The following YWHAG variants were observed in gnomAD, a reference collection of about 807,000 sequenced individuals.
YWHAG encodes the protein tyrosine 3-monooxygenase/tryptophan 5-monooxygenase activation protein gamma.
A neutral mutation model predicts 23.3 loss-of-function variants in YWHAG; 1 was observed. That is an observed-to-expected ratio of 0.04 (90% CI 0.02 to 0.20). The LOEUF is 0.20. Among genes scored for constraint, YWHAG ranks in the 10% least tolerant of loss-of-function variants. The pLI is 1.00. For synonymous variants in YWHAG, 160 were observed against 144.0 expected, an observed-to-expected ratio of 1.11 and a Z score of -0.80; for missense variants, 151 against 338.6, an observed-to-expected ratio of 0.45 and a Z score of 4.35.
intron 1 of YWHAG, among the ~76,000 whole-genome samples, chr7:76,334,218 ATC>A (rs1348213432): frequency 4.6e-5 from 7 of 152,244 alleles, no homozygotes; most frequent in African/African-American, 1.7e-4. Context: ...TTGCATAAGA[ATC>A]TGTTATTTTT....
rs1185322766 is a variant in YWHAG, at chr7:76,358,721, C to T, written c.87+1G>A. The T allele has an allele frequency of 6.3e-7, 1 of 1,586,422 alleles. No homozygotes were observed. Among genetic ancestry groups the T allele is most frequent in the Non-Finnish European group, 8.6e-7 (1 of 1,167,620 alleles). On this transcript the variant is annotated splice_donor_variant, in intron 1 of 1. Coordinates refer to ENST00000307630, the MANE Select transcript of YWHAG (RefSeq NM_012479.4). LOFTEE classifies it high-confidence loss of function. The stretch of plus-strand genomic sequence containing the variant: ...GGCGGGGGAGGGGAGGAGACACTCA[C>T]GTTCTTCATGGCCGCGGCCATGTCG...
intron 1 of YWHAG, among the ~76,000 whole-genome samples, chr7:76,356,819 A>G (rs924225116): frequency 6.6e-6 from 1 of 152,220 alleles, no homozygotes; most frequent in Non-Finnish European, 1.5e-5. Context: ...AGGGTAAATG[A>G]TATCCTTATT....
chr7:76,340,398 G>C (rs960947653), intron 1 of YWHAG, among the ~76,000 whole-genome samples: 2 of 152,052 alleles, frequency 1.3e-5, no homozygotes, highest in Non-Finnish European at 2.9e-5. Flanking sequence ...GAATTCAATG[G>C]AACTATTTCC....
intron 1 of YWHAG, among the ~76,000 whole-genome samples, chr7:76,346,989 A>C (rs1299421084): frequency 6.6e-6 from 1 of 152,082 alleles, no homozygotes; most frequent in Non-Finnish European, 1.5e-5. Flanking sequence ...CCATCCTGAA[A>C]CTAAGCGTCC....
Position 76,328,849 on chromosome 7 carries a change from A to T in YWHAG, c.*728T>A, listed in dbSNP as rs550858903. 1 of 33,784 alleles carries T rather than the reference A, an allele frequency of 3.0e-5. No individual in the cohort carries two copies. Among genetic ancestry groups the T allele is most frequent in the African/African-American group, 1.1e-4 (1 of 8,898 alleles). The allele number at this position is 33,784 out of a possible 1,614,324, so 2.1% of individuals were successfully genotyped here. ...CTGACCTGAAGTCGCTTTCATTCTC[A>T]TTTAGCCTAGGAGACCGATCAACAG... On this transcript the variant is annotated 3_prime_UTR_variant, in exon 2 of 2. Transcript: ENST00000307630.
intron 1 of YWHAG, among the ~76,000 whole-genome samples, chr7:76,336,909 A>G (rs993133805): frequency 6.6e-6 from 1 of 152,104 alleles, no homozygotes; most frequent in Admixed American, 6.6e-5. Flanking sequence ...ATAGAAACAG[A>G]AAGAATGAGA....
intron 1 of YWHAG, among the ~76,000 whole-genome samples, chr7:76,342,995 G>C (rs1803720452): frequency 6.6e-6 from 1 of 152,070 alleles, no homozygotes; most frequent in East Asian, 1.9e-4. Context: ...AAATTAGCTG[G>C]GTGTGGTGGC....
chr7:76,330,171 C>T lies in YWHAG; in HGVS notation c.150G>A (p.Lys50=), dbSNP rs1255237481. The T allele has an allele frequency of 6.8e-6, 11 of 1,610,706 alleles. No individual in the cohort carries two copies. The highest frequency in any genetic ancestry group is 1.4e-5 in the African/African-American group (1 of 73,848). ...AAGAGCGGCGTGCCCCCACAACGTTCTTGTAGGCCACAGACAGAAGGTTTC... is the reference window on the plus strand; with the variant it reads ...AAGAGCGGCGTGCCCCCACAACGTTTTTGTAGGCCACAGACAGAAGGTTTC... ...EERNLLSVAY[K]NVVGARRSSW... is the part of the protein sequence containing the mutation. The change falls in exon 2 of 2, where the codon AAG becomes AAA. Residue 50 remains lysine (K), a synonymous_variant. Coordinates refer to ENST00000307630, the MANE Select transcript of YWHAG (RefSeq NM_012479.4).
At chr7:76,343,196 C>T (rs1029366518) in intron 1 of YWHAG, among the ~76,000 whole-genome samples, 93 of 150,452 alleles carry the variant, frequency 6.2e-4, no homozygotes, top group African/African-American at 2.1e-3. Flanking sequence ...GTACTGCAGC[C>T]GTTTTTAAAA....
intron 1 of YWHAG, 23 bp downstream of exon 1, chr7:76,358,698 CG>C: frequency 6.5e-7 from 1 of 1,543,434 alleles, no homozygotes; most frequent in East Asian, 2.5e-5. Flanking sequence ...CAGGGAGCGG[CG>C]GGGGAGGGGA....
At position 76,328,585 on chromosome 7, in the gene YWHAG, C is replaced by T. The variant is rs577157591; in HGVS notation, c.*992G>A. 5.8e-4 allele frequency: 89 copies of T among 152,296 alleles called. No homozygotes were observed. Among genetic ancestry groups the T allele is most frequent in the African/African-American group, 2.0e-3 (85 of 41,548 alleles). The allele number at this position is 152,296 out of a possible 1,614,324, so 9.4% of individuals were successfully genotyped here. On this transcript the variant is annotated 3_prime_UTR_variant, in exon 2 of 2. Transcript: ENST00000307630. ...CCCAGCTGCGTCCGCCAGCACGAGG[C>T]GCAGTAGGAAACGCCCCAGTGCAGA...
At chr7:76,343,286 A>G (rs911379413) in intron 1 of YWHAG, among the ~76,000 whole-genome samples, 2 of 152,132 alleles carry the variant, frequency 1.3e-5, no homozygotes, top group Non-Finnish European at 2.9e-5. Flanking sequence ...TGGCCTCCAC[A>G]TTAGCAAAGG....
intron 1 of YWHAG, 78 bp downstream of exon 1, chr7:76,358,644 G>A: frequency 7.1e-7 from 1 of 1,400,582 alleles, no homozygotes; most frequent in Non-Finnish European, 9.7e-7. Flanking sequence ...ACAGGGCGAC[G>A]AAGCCCCGGG....
At position 76,327,686 on chromosome 7, in the gene YWHAG, C is replaced by CG. The variant is rs1803468248; in HGVS notation, c.*1890_*1891insC. 1 of 117,098 alleles carries CG rather than the reference C, an allele frequency of 8.5e-6. No individual in the cohort carries two copies. The highest frequency in any genetic ancestry group is 8.0e-5 in the Admixed American group (1 of 12,472). The allele number at this position is 117,098 out of a possible 1,614,324, so 7.3% of individuals were successfully genotyped here. A position where few individuals can be genotyped will look rare whatever the true frequency, so the allele number is the denominator to read the frequency against. The stretch of plus-strand genomic sequence containing the variant: ...CTACCCTGCCCCCCCCCCCCTCCCC[C>CG]CCCAAATCGTCTTCCTCCCATGGCA... On this transcript the variant is annotated 3_prime_UTR_variant, in exon 2 of 2. Coordinates refer to ENST00000307630, the MANE Select transcript of YWHAG (RefSeq NM_012479.4).
In YWHAG at chr7:76,330,024, A is replaced by C; in HGVS notation, c.297T>G (p.Asp99Glu). 1 of 1,614,164 alleles carries C rather than the reference A, an allele frequency of 6.2e-7. No homozygotes were observed. The highest frequency in any genetic ancestry group is 8.5e-7 in the Non-Finnish European group (1 of 1,180,024). The change falls in exon 2 of 2, where the codon GAT (aspartate) becomes GAG (glutamate). Residue 99 changes from aspartate (D) to glutamate (E), a missense_variant. Coordinates refer to ENST00000307630, the MANE Select transcript of YWHAG (RefSeq NM_012479.4). ...GGTAGTTATCCAGCAGGCTCAGCACATCCTGGCACACAGCCTCCAACTCCT... is the reference window on the plus strand; with the variant it reads ...GGTAGTTATCCAGCAGGCTCAGCACCTCCTGGCACACAGCCTCCAACTCCT... ...IEKELEAVCQ[D>E]VLSLLDNYLI...
At chr7:76,338,219 T>C (rs898206824) in intron 1 of YWHAG, among the ~76,000 whole-genome samples, 1 of 152,086 alleles carries the variant, frequency 6.6e-6, no homozygotes, top group Non-Finnish European at 1.5e-5. Context: ...GCATGGAAAC[T>C]TGGAGAAAAT....
intron 1 of YWHAG, among the ~76,000 whole-genome samples, chr7:76,346,498 C>T (rs1245342045): frequency 6.6e-6 from 1 of 152,216 alleles, no homozygotes; most frequent in Non-Finnish European, 1.5e-5. Flanking sequence ...GGCACTGTTA[C>T]GAATGGCGGT....
At chr7:76,334,747 GAAAGA>G (rs527923192) in intron 1 of YWHAG, among the ~76,000 whole-genome samples, 10 of 149,036 alleles carry the variant, frequency 6.7e-5, no homozygotes, top group African/African-American at 9.9e-5. Context: ...AAGAAAGAAA[GAAAGA>G]AAAGAAAAGA....
chr7:76,358,933 C>A lies in YWHAG; in HGVS notation c.-125G>T, dbSNP rs1248058092. The A allele has an allele frequency of 9.0e-6, 8 of 892,908 alleles. No individual in the cohort carries two copies. Among genetic ancestry groups the A allele is most frequent in the Non-Finnish European group, 1.2e-5 (8 of 647,230 alleles). 55.3% of individuals were successfully genotyped at this position (892,908 alleles called of 1,614,324 possible). ...CCCACAGAGCGAGCAGCTGAGGCGG[C>A]GGCTGCGCGGAGGAGGCGGCTGGAG... On this transcript the variant is annotated 5_prime_UTR_variant, in exon 1 of 2. Transcript: ENST00000307630.
Sources: allele counts gnomAD v4.1 joint callset (sites outside exome capture counted in the v4.1 genomes callset), GRCh38; gene constraint gnomAD v4.1.1; transcripts MANE v1.5; gene names NCBI Gene and HGNC (gene_info 2026-07-23, HGNC 2026-07-21).